Variants in DOCK11 observed in about 807,000 individuals in gnomAD.
DOCK11 encodes dedicator of cytokinesis 11, also known as dedicator of cytokinesis protein 11.
A neutral mutation model predicts 169.1 loss-of-function variants in DOCK11; 70 were observed. The observed-to-expected ratio is 0.41, with a 90% CI of 0.34 to 0.51. The LOEUF is 0.51. Ranked by LOEUF, DOCK11 falls within the 20% of genes least tolerant of loss-of-function variation. The pLI is 0.10. For missense variants in DOCK11, 1,166 were observed against 1,538.8 expected, an observed-to-expected ratio of 0.76 and a Z score of 4.05; for synonymous variants, 529 against 541.3, an observed-to-expected ratio of 0.98 and a Z score of 0.32.
chrX:118,544,309 C>A (rs913970343), intron 4 of DOCK11, among the ~76,000 whole-genome samples: 8 of 111,613 alleles, frequency 7.2e-5, no homozygotes, highest in Middle Eastern at 4.6e-3. Context: ...AGGAGCCAGA[C>A]TGTTGGGGCT....
chrX:118,620,258 T>C (rs1033820002), intron 31 of DOCK11, among the ~76,000 whole-genome samples: 4 of 112,091 alleles, frequency 3.6e-5, no homozygotes, highest in African/African-American at 1.3e-4. Context: ...GGAAACATAA[T>C]ATTGTTTCAT....
At chrX:118,596,191 C>T (rs1344263642) in intron 20 of DOCK11, among the ~76,000 whole-genome samples, 2 of 112,052 alleles carry the variant, frequency 1.8e-5, no homozygotes, top group Admixed American at 1.9e-4. Context: ...TTTAGTTTAA[C>T]TACTTTGACA....
In DOCK11 at chrX:118,499,446, C is replaced by T. The variant is rs981892023; in HGVS notation, c.102+3373C>T. ...CCCCTGGCTGGCATCAGCCAGATTT[C>T]GTATAATAGCTCCAGTAGAGAAAAG... On this transcript the variant is annotated intron_variant, in intron 1 of 52. Transcript: ENST00000276202. Among the ~76,000 whole-genome samples the T allele has an allele frequency of 2.7e-5, 3 of 111,632 alleles. No individual in the cohort carries two copies. The Admixed American group carries it at 2.9e-4, about 11-fold the overall frequency.
intron 45 of DOCK11, among the ~76,000 whole-genome samples, chrX:118,667,269 C>T (rs1251904783): frequency 1.8e-5 from 2 of 111,073 alleles, no homozygotes; most frequent in Non-Finnish European, 3.8e-5. Context: ...CTTTTTGTAT[C>T]TGGTCCCAAA....
chrX:118,496,326 G>C (rs759382172), intron 1 of DOCK11, among the ~76,000 whole-genome samples: 1 of 112,433 alleles, frequency 8.9e-6, no homozygotes, highest in Non-Finnish European at 1.9e-5. Context: ...GGGCTCGGAC[G>C]GCTGCGGAGG....
In DOCK11 at chrX:118,630,421, C is replaced by G; in HGVS notation, c.3817C>G (p.Arg1273Gly). The G allele has an allele frequency of 3.3e-6, 4 of 1,209,087 alleles. No homozygotes were observed. Among genetic ancestry groups the G allele is most frequent in the Non-Finnish European group, 4.5e-6 (4 of 893,868 alleles). The change falls in exon 35 of 53, where the codon CGC becomes GGC. Residue 1273 changes from arginine to glycine, a missense_variant. Arg to Gly is a moderately radical substitution (Grantham distance 125, BLOSUM62 -2). Coordinates refer to ENST00000276202, the MANE Select transcript of DOCK11 (RefSeq NM_144658.4). ...STRSSVSQYN[R>G]LDQYEIRSLL... is the part of the protein sequence containing the mutation. ...AAGGAGTAGTGTATCCCAGTATAACCGCCTGGATCAGTATGAAATCAGAAG... is the reference window on the plus strand; with the variant it reads ...AAGGAGTAGTGTATCCCAGTATAACGGCCTGGATCAGTATGAAATCAGAAG...
Position 118,685,997 on chromosome X carries a change from C to CT in DOCK11, c.*191dup. ...TGAAAGTGCCTGGAAAATTGCACCACTGTGCTTGGTTTGTACTTTTTTAGG... is the reference window on the plus strand; with the variant it reads ...TGAAAGTGCCTGGAAAATTGCACCACTTGTGCTTGGTTTGTACTTTTTTAGG... On this transcript the variant is annotated 3_prime_UTR_variant, in exon 53 of 53. Coordinates refer to ENST00000276202, the MANE Select transcript of DOCK11 (RefSeq NM_144658.4). 1.3e-5 allele frequency: 6 copies of CT among 464,353 alleles called. No homozygotes were observed. The highest frequency in any genetic ancestry group is 2.0e-5 in the Non-Finnish European group (6 of 297,751). The allele number at this position is 464,353 out of a possible 1,213,427, so 38.3% of individuals were successfully genotyped here. A position where few individuals can be genotyped will look rare whatever the true frequency, so the allele number is the denominator to read the frequency against.
intron 6 of DOCK11, among the ~76,000 whole-genome samples, chrX:118,557,592 C>A (rs2012742500): frequency 9.3e-6 from 1 of 107,643 alleles, no homozygotes; most frequent in African/African-American, 3.4e-5. Flanking sequence ...GGTGAAACCC[C>A]GTCTCTACTA....
chrX:118,557,847 GC>G (rs2012765407), intron 6 of DOCK11, among the ~76,000 whole-genome samples: 1 of 107,732 alleles, frequency 9.3e-6, no homozygotes, highest in African/African-American at 3.4e-5. Context: ...AGTTTTCTGG[GC>G]TATGGTGAGG....
At chrX:118,680,887 G>C (rs2016727970) in intron 49 of DOCK11, among the ~76,000 whole-genome samples, 171 bp from the exon 50 acceptor site, 1 of 111,996 alleles carries the variant, frequency 8.9e-6, no homozygotes, top group African/African-American at 3.2e-5. Flanking sequence ...TTGCCCAGAG[G>C]TGTCTCATAA....
intron 40 of DOCK11, among the ~76,000 whole-genome samples, chrX:118,648,497 A>G (rs1288651778): frequency 9.5e-5 from 9 of 95,092 alleles, no homozygotes; most frequent in African/African-American, 3.4e-4. Flanking sequence ...TATTATATTG[A>G]TATGTTAATA....
intron 6 of DOCK11, among the ~76,000 whole-genome samples, chrX:118,553,315 A>G (rs910797991): frequency 2.7e-5 from 3 of 112,027 alleles, no homozygotes; most frequent in African/African-American, 9.7e-5. Flanking sequence ...TATTTCTCCT[A>G]AGAGATATAA....
chrX:118,558,499 C>G (rs34584456), intron 6 of DOCK11, among the ~76,000 whole-genome samples: 209 of 111,656 alleles, frequency 1.9e-3, no homozygotes, highest in African/African-American at 6.5e-3. Context: ...TAAACTTATA[C>G]CCTAAGTAGC....
intron 10 of DOCK11, among the ~76,000 whole-genome samples, chrX:118,570,294 C>T (rs1281212561): frequency 6.2e-5 from 7 of 112,224 alleles, no homozygotes; most frequent in Non-Finnish European, 1.3e-4. Context: ...TTTGTACTCA[C>T]AGGCCTTAGA....
In DOCK11 at chrX:118,604,228, G is replaced by T. The variant is rs1348341737; in HGVS notation, c.2563-1010G>T. On this transcript the variant is annotated intron_variant, in intron 23 of 52. Transcript: ENST00000276202. ...ATGGGGAGACATCGAAAAAATCTTG[G>T]CAGGAGGTGGTCTAATGTAACGAGT... Among the ~76,000 whole-genome samples, 8 of 111,890 alleles carry T rather than the reference G, an allele frequency of 7.1e-5. No individual in the cohort carries two copies. The South Asian group carries it at 2.9e-3, about 41-fold the overall frequency.
intron 38 of DOCK11, among the ~76,000 whole-genome samples, 188 bp downstream of exon 38, chrX:118,639,765 A>G (rs1009527636): frequency 1.8e-5 from 2 of 111,993 alleles, no homozygotes; most frequent in Non-Finnish European, 1.9e-5. Flanking sequence ...TGCCAATATG[A>G]TGGGAAATGA....
intron 6 of DOCK11, among the ~76,000 whole-genome samples, chrX:118,551,745 G>A (rs761440347): frequency 1.1e-4 from 12 of 111,283 alleles, no homozygotes; most frequent in South Asian, 7.5e-4. Context: ...GAAATTATGC[G>A]CAACTTTAAA....
intron 1 of DOCK11, among the ~76,000 whole-genome samples, chrX:118,519,422 C>T (rs1378330499): frequency 8.9e-6 from 1 of 111,946 alleles, no homozygotes; most frequent in African/African-American, 3.2e-5. Flanking sequence ...TGGTGGCACA[C>T]ACCTGTAATC....
At chrX:118,627,403 G>A (rs1226955824) in intron 32 of DOCK11, 101 bp from the exon 33 acceptor site, 2 of 614,144 alleles carry the variant, frequency 3.3e-6, no homozygotes, top group African/African-American at 4.5e-5. Flanking sequence ...TTCACAGTGA[G>A]CTTTGTTTAA....
Sources: allele counts gnomAD v4.1 joint callset (sites outside exome capture counted in the v4.1 genomes callset), GRCh38; gene constraint gnomAD v4.1.1; transcripts MANE v1.5; gene names NCBI Gene and HGNC (gene_info 2026-07-23, HGNC 2026-07-21).